The following ABCC5 variants were observed in gnomAD, a reference collection of about 807,000 sequenced individuals.
The protein encoded by ABCC5 is ATP-binding cassette sub-family C member 5.
In ABCC5, 61 loss-of-function variants were observed where a neutral mutation model predicts 160.9. The observed-to-expected ratio is 0.38, with a 90% confidence interval of 0.31 to 0.47. The LOEUF (loss-of-function observed/expected upper bound fraction) is 0.47, where lower values mean the gene tolerates loss of function less well. Ranked by LOEUF, ABCC5 falls within the 20% of genes least tolerant of loss-of-function variation. ABCC5 has a pLI of 0.99. For missense variants in ABCC5, 1,308 were observed against 1,813.3 expected (o/e 0.72, Z 5.06); for synonymous variants, 666 against 700.6 (o/e 0.95, Z 0.78).
intron 25 of ABCC5, among the ~76,000 whole-genome samples, chr3:183,940,462 GAAAA>G (rs537025178): frequency 3.1e-5 from 2 of 64,616 alleles, no homozygotes; most frequent in Non-Finnish European, 5.9e-5. Context: ...TCTGTCTCAG[GAAAA>G]AAAAAAAAAA....
intron 25 of ABCC5, among the ~76,000 whole-genome samples, chr3:183,940,450 A>G (rs1185115904): frequency 7.9e-6 from 1 of 125,952 alleles, no homozygotes; most frequent in Non-Finnish European, 1.6e-5. Flanking sequence ...ACAGACTGAG[A>G]CTCTGTCTCA....
At chr3:183,926,142 G>GTT (rs545167336) in intron 28 of ABCC5, among the ~76,000 whole-genome samples, 50,740 of 131,768 alleles carry the variant, frequency 0.39, 10,077 homozygotes, top group Middle Eastern at 0.46. Flanking sequence ...CCAGCCTATT[G>GTT]TTTTTTTTTT....
chr3:183,940,534 TC>T (rs1714231030), intron 25 of ABCC5, among the ~76,000 whole-genome samples: 1 of 149,626 alleles, frequency 6.7e-6, no homozygotes, highest in African/African-American at 2.4e-5. Flanking sequence ...CTGGCCCCTT[TC>T]CCAGATAGGA....
At chr3:183,959,646 C>CTA (rs1312930968) in intron 17 of ABCC5, 87 bp downstream of exon 17, 2 of 991,632 alleles carry the variant, frequency 2.0e-6, no homozygotes, top group African/African-American at 3.3e-5. Flanking sequence ...ACACACACTG[C>CTA]TATCAAACAT....
At chr3:184,008,119 G>A (rs1443842188) in intron 2 of ABCC5, among the ~76,000 whole-genome samples, 3 of 89,416 alleles carry the variant, frequency 3.4e-5, no homozygotes, top group East Asian at 7.0e-4. Context: ...TGTAGAGTAC[G>A]TGTTGTGAGT....
intron 10 of ABCC5, among the ~76,000 whole-genome samples, chr3:183,972,990 G>A (rs866368885): frequency 2.0e-5 from 3 of 149,658 alleles, no homozygotes; most frequent in Non-Finnish European, 4.4e-5. Context: ...AAATTAAGAT[G>A]TAAAACACTG....
rs759808880 is a variant in ABCC5, at chr3:183,953,134, G to A, written c.2619C>T (p.Thr873=). 4.6e-5 allele frequency: 74 copies of A among 1,613,900 alleles called. No homozygotes were observed. The highest frequency in any genetic ancestry group is 5.8e-5 in the Non-Finnish European group (68 of 1,180,022). The change falls in exon 18 of 30, where the codon ACC becomes ACT. Residue 873 remains threonine (T), a synonymous_variant. Transcript: ENST00000334444. The part of the protein sequence containing the change: ...MALFMLNVGS[T]AFSTWWLSYW... ...AACTCAACCACCAGGTGCTGAAGGC[G>A]GTGCTGCCTACATTCAGCATGAAAA...
At chr3:183,928,588 C>T (rs988464016) in intron 27 of ABCC5, among the ~76,000 whole-genome samples, 159 bp downstream of exon 27, 12 of 152,166 alleles carry the variant, frequency 7.9e-5, no homozygotes, top group African/African-American at 2.7e-4. Context: ...GAGGGATCAG[C>T]TTTTCCCAGG....
chr3:183,922,183 C>T (rs953999463), intron 29 of ABCC5, among the ~76,000 whole-genome samples: 2 of 151,966 alleles, frequency 1.3e-5, no homozygotes, highest in Non-Finnish European at 2.9e-5. Flanking sequence ...ACCAGCCTGA[C>T]CAACATGGTG....
In ABCC5 at chr3:183,949,820, T is replaced by C. The variant is rs945954765; in HGVS notation, c.3160A>G (p.Ile1054Val). The C allele has an allele frequency of 3.1e-6, 5 of 1,614,178 alleles. No homozygotes were observed. The highest frequency in any genetic ancestry group is 4.2e-6 in the Non-Finnish European group (5 of 1,180,040). ...GCAAGGCCCTGTATGCTGGACGTGA[T>C]GTGGGAGAGGAAAGGTGACTGCGTG... ...NITQSPFLSH[I>V]TSSIQGLATI... is the part of the protein sequence containing the mutation. The change falls in exon 22 of 30, where the codon ATC becomes GTC. Residue 1054 changes from isoleucine (I) to valine (V), a missense_variant. By Grantham distance (29) the Ile-to-Val change is conservative (BLOSUM62 3). This residue lies in a region of ABCC5 where 1,142 missense variants were observed against 1,527.1 expected (regional missense o/e 0.75). Transcript: ENST00000334444. The surrounding 1 kb of genome is among the most constrained non-coding windows in gnomAD (Gnocchi z 4.2).
At chr3:183,984,268 T>TAAAAATCAATC (rs1553783483) in intron 5 of ABCC5, 1 of 985,690 alleles carries the variant, frequency 1.0e-6, no homozygotes, top group Non-Finnish European at 1.2e-6. Flanking sequence ...TCCTTGCATC[T>TAAAAATCAATC]AAAAATCAAT....
At chr3:183,928,375 G>T (rs149220608) in intron 27 of ABCC5, among the ~76,000 whole-genome samples, 2,675 of 152,226 alleles carry the variant, frequency 0.018, 92 homozygotes, top group African/African-American at 0.061. Flanking sequence ...GCCTCCCAAA[G>T]TGCTGGGATT....
chr3:183,947,820 G>A (rs777903994), intron 22 of ABCC5, among the ~76,000 whole-genome samples: 10 of 152,294 alleles, frequency 6.6e-5, no homozygotes, highest in Middle Eastern at 6.8e-3. Flanking sequence ...ACTGAATAAA[G>A]AGGCTTGTGT....
intron 5 of ABCC5, chr3:183,984,899 A>C: frequency 6.4e-7 from 1 of 1,568,840 alleles, no homozygotes; most frequent in South Asian, 1.2e-5. Flanking sequence ...GGAAGGCTGA[A>C]AGGACAGCAG....
At chr3:183,983,424 A>G (rs2108856282) in intron 5 of ABCC5, 1 of 222,880 alleles carries the variant, frequency 4.5e-6, no homozygotes, top group South Asian at 7.7e-5. Flanking sequence ...AAAAAGGAAC[A>G]GTGTACCTAC....
At chr3:184,010,107 G>A (rs1721587848) in intron 2 of ABCC5, 1 of 275,370 alleles carries the variant, frequency 3.6e-6, no homozygotes. Context: ...AGGAGTTCAA[G>A]ACCAGCCTGG....
Position 183,959,847 on chromosome 3 carries a change from T to A in ABCC5, c.2380-12A>T, listed in dbSNP as rs28365019. ...TTTTTTGAATTGATCTAATAATATT[T>A]AAAAAAAAAAGTCTCCAGTCATGTT... On this transcript the variant is annotated splice_polypyrimidine_tract_variant and intron_variant, in intron 16 of 29. Transcript: ENST00000334444. The A allele has an allele frequency of 0.056, 81,851 of 1,461,294 alleles. 1,506 individuals are homozygous for A. The highest frequency in any genetic ancestry group is 0.19 in the East Asian group (8,010 of 41,328). 90.5% of individuals were successfully genotyped at this position (1,461,294 alleles called of 1,614,324 possible). A position where few individuals can be genotyped will look rare whatever the true frequency, so the allele number is the denominator to read the frequency against.
rs985747485 is a variant in ABCC5 at position 183,982,696 on chromosome 3, G to C, written c.826-72C>G. ...CATTTGTCTCAGGAGGAAGATAAAG[G>C]ATAAGGCAGGGCCCTAGAGGAATGA... On this transcript the variant is annotated intron_variant, in intron 6 of 29. Transcript: ENST00000334444. This position sits in a 1 kb window ranked among gnomAD's most constrained non-coding sequence, Gnocchi z 5.2. 2 of 1,607,934 alleles carry C rather than the reference G, an allele frequency of 1.2e-6. No individual in the cohort carries two copies. Among genetic ancestry groups the C allele is most frequent in the Non-Finnish European group, 1.7e-6 (2 of 1,175,170 alleles).
chr3:183,932,519 G>A (rs377430838), intron 26 of ABCC5, among the ~76,000 whole-genome samples: 6 of 152,208 alleles, frequency 3.9e-5, no homozygotes, highest in East Asian at 1.9e-4. Context: ...CAGTGGGGTC[G>A]TGACACACGC....
Sources: allele counts gnomAD v4.1 joint callset (sites outside exome capture counted in the v4.1 genomes callset), GRCh38; gene constraint gnomAD v4.1.1; regional missense constraint gnomAD v4.1.1; non-coding constraint Gnocchi (gnomAD v3.1); transcripts MANE v1.5; gene names NCBI Gene and HGNC (gene_info 2026-07-23, HGNC 2026-07-21).